GPC5: variants seen among roughly 807,000 people sequenced by gnomAD.
GPC5 encodes the protein glypican-5.
GPC5 carries 47 observed loss-of-function variants against 53.9 expected under a neutral mutation model. The observed-to-expected ratio is 0.87, with a 90% CI of 0.69 to 1.11. The LOEUF (loss-of-function observed/expected upper bound fraction) is 1.11. Ranked by LOEUF, GPC5 falls within the 50% of genes most tolerant of loss-of-function variation. GPC5 has a pLI of 0.00. For synonymous variants in GPC5, 286 were observed against 263.3 expected (o/e 1.09, Z -0.84); for missense variants, 748 against 713.1 (o/e 1.05, Z -0.56).
intron 2 of GPC5, among the ~76,000 whole-genome samples, chr13:91,584,609 G>A (rs1306406642): frequency 6.7e-6 from 1 of 149,408 alleles, no homozygotes; most frequent in Non-Finnish European, 1.5e-5. Context: ...ACAGAGTTTT[G>A]CTCTTGTTGC....
chr13:92,248,221 T>G (rs1210403475), intron 7 of GPC5, among the ~76,000 whole-genome samples: 1 of 151,938 alleles, frequency 6.6e-6, no homozygotes, highest in Non-Finnish European at 1.5e-5. Context: ...AAAAACAGAT[T>G]TTTAGCCCCA....
At chr13:91,572,023 G>T (rs1273273463) in intron 2 of GPC5, among the ~76,000 whole-genome samples, 3 of 123,514 alleles carry the variant, frequency 2.4e-5, no homozygotes, top group African/African-American at 3.4e-5. Context: ...ATGCATATAC[G>T]TGTGTATATA....
intron 2 of GPC5, among the ~76,000 whole-genome samples, chr13:91,601,932 G>T (rs893346566): frequency 2.6e-5 from 4 of 152,168 alleles, no homozygotes; most frequent in Admixed American, 1.3e-4. Flanking sequence ...TTGCCAAAAA[G>T]GTTGAGGAGT....
chr13:91,862,088 T>C (rs2039036204), intron 5 of GPC5, among the ~76,000 whole-genome samples: 1 of 152,140 alleles, frequency 6.6e-6, no homozygotes. Flanking sequence ...ATAAAAAAAG[T>C]ATTTTCTGTT....
chr13:92,539,943 T>C (rs1259333057), intron 7 of GPC5, among the ~76,000 whole-genome samples: 1 of 151,994 alleles, frequency 6.6e-6, no homozygotes, highest in African/African-American at 2.4e-5. Context: ...GTCTATGTAA[T>C]TGATGGTAAG....
intron 5 of GPC5, among the ~76,000 whole-genome samples, chr13:91,881,925 G>A (rs1338146573): frequency 6.6e-6 from 1 of 152,124 alleles, no homozygotes; most frequent in African/African-American, 2.4e-5. Context: ...TTAAAAATCA[G>A]GGAGTTTTCT....
At chr13:92,321,645 ATAC>A (rs1416056186) in intron 7 of GPC5, among the ~76,000 whole-genome samples, 3 of 144,084 alleles carry the variant, frequency 2.1e-5, no homozygotes, top group Non-Finnish European at 4.6e-5. Flanking sequence ...ACATACATAC[ATAC>A]AATAGAATTA....
intron 7 of GPC5, among the ~76,000 whole-genome samples, chr13:92,390,981 C>T (rs866144980): frequency 2.7e-4 from 41 of 152,114 alleles, no homozygotes; most frequent in South Asian, 6.2e-4. Context: ...TATGGTTTCA[C>T]TTCAAAATGT....
chr13:91,538,418 C>G (rs534646679), intron 2 of GPC5, among the ~76,000 whole-genome samples: 1 of 152,130 alleles, frequency 6.6e-6, no homozygotes, highest in East Asian at 1.9e-4. Flanking sequence ...TTGAAAACAT[C>G]AAAATATCGT....
intron 6 of GPC5, among the ~76,000 whole-genome samples, chr13:92,002,059 G>C (rs769154585): frequency 1.3e-5 from 2 of 151,962 alleles, no homozygotes; most frequent in Non-Finnish European, 2.9e-5. Flanking sequence ...ACTGACATGA[G>C]AGGCGGTAAT....
At chr13:92,402,600 T>C (rs1875609582) in intron 7 of GPC5, among the ~76,000 whole-genome samples, 1 of 152,232 alleles carries the variant, frequency 6.6e-6, no homozygotes, top group African/African-American at 2.4e-5. Context: ...CCTCAGAACA[T>C]CAGGCATGGA....
intron 6 of GPC5, among the ~76,000 whole-genome samples, chr13:91,942,337 C>T (rs76879832): frequency 0.021 from 3,221 of 152,082 alleles, 103 homozygotes; most frequent in African/African-American, 0.074. Context: ...TTTCTTGTTA[C>T]AGTCATTTTA....
intron 6 of GPC5, among the ~76,000 whole-genome samples, chr13:91,931,928 A>G (rs2039825310): frequency 6.6e-6 from 1 of 151,994 alleles, no homozygotes; most frequent in Non-Finnish European, 1.5e-5. Flanking sequence ...TTTGCTTTCT[A>G]AGATGCTCCC....
chr13:92,490,176 G>C (rs1419193004), intron 7 of GPC5: 1 of 154,184 alleles, frequency 6.5e-6, no homozygotes, highest in African/African-American at 2.4e-5. Context: ...AGTAATTGCG[G>C]GTTTTGCCGT....
At chr13:92,714,646 A>G (rs1025207613) in intron 7 of GPC5, among the ~76,000 whole-genome samples, 4 of 152,256 alleles carry the variant, frequency 2.6e-5, no homozygotes, top group Admixed American at 2.6e-4. Context: ...TGTGGCATAT[A>G]TGAAAATATT....
intron 5 of GPC5, among the ~76,000 whole-genome samples, chr13:91,879,232 TTG>T (rs2039238808): frequency 6.6e-6 from 1 of 152,172 alleles, no homozygotes; most frequent in African/African-American, 2.4e-5. Context: ...GGTTTCTTAT[TTG>T]TGTTTTCATC....
rs575803118 is a variant in GPC5, at chr13:92,037,313, A to G, written c.1402-107517A>G. ...TGTATTTCTACCTTAGGGCCTTTAT[A>G]CTTGCTGCTCCCTGAGACTGTAAAA... On this transcript the variant is annotated intron_variant, in intron 6 of 7. Coordinates refer to ENST00000377067, the MANE Select transcript of GPC5 (RefSeq NM_004466.6). 9.2e-5 allele frequency among the ~76,000 whole-genome samples: 14 copies of G among 152,202 alleles called. No homozygotes were observed. In the South Asian group the frequency reaches 2.3e-3, roughly 25 times the overall value.
intron 2 of GPC5, among the ~76,000 whole-genome samples, chr13:91,574,086 C>T (rs1045852384): frequency 6.6e-6 from 1 of 152,050 alleles, no homozygotes; most frequent in Admixed American, 6.6e-5. Context: ...GGTAAAATTG[C>T]TAACTATGAT....
At chr13:91,586,300 A>G (rs1020106497) in intron 2 of GPC5, among the ~76,000 whole-genome samples, 2 of 149,456 alleles carry the variant, frequency 1.3e-5, no homozygotes, top group Admixed American at 1.4e-4. Flanking sequence ...GGCTATATGT[A>G]GGAATATAAG....
Sources: allele counts gnomAD v4.1 joint callset (sites outside exome capture counted in the v4.1 genomes callset), GRCh38; gene constraint gnomAD v4.1.1; transcripts MANE v1.5; gene names NCBI Gene and HGNC (gene_info 2026-07-23, HGNC 2026-07-21).